NOL4: variants seen among roughly 807,000 people sequenced by gnomAD.
NOL4 encodes cancer/testis antigen 125.
Under a neutral mutation model 75.9 loss-of-function variants are expected in NOL4, and 17 were observed. The observed-to-expected ratio is 0.22, with a 90% CI of 0.15 to 0.34. The LOEUF is 0.34. Ranked by LOEUF, NOL4 falls within the 10% of genes least tolerant of loss-of-function variation. The pLI is 1.00. For synonymous variants in NOL4, 292 were observed against 289.9 expected (o/e 1.01, Z -0.07); for missense variants, 614 against 793.5 (o/e 0.77, Z 2.72).
chr18:34,164,123 A>G (rs1460637707), intron 1 of NOL4, among the ~76,000 whole-genome samples: 2 of 152,208 alleles, frequency 1.3e-5, no homozygotes, highest in Non-Finnish European at 2.9e-5. Context: ...CGTTAGACCT[A>G]AAACCATAAA....
At chr18:33,879,509 C>CTAAAAA (rs751986089) in intron 10 of NOL4, among the ~76,000 whole-genome samples, 6 of 151,648 alleles carry the variant, frequency 4.0e-5, no homozygotes, top group Non-Finnish European at 5.9e-5. Context: ...TTTGTCTCTG[C>CTAAAAA]TAAAAATAAA....
chr18:34,093,966 C>T, intron 4 of NOL4, among the ~76,000 whole-genome samples: 1 of 151,986 alleles, frequency 6.6e-6, no homozygotes, highest in Non-Finnish European at 1.5e-5. Context: ...GGCTTGAACC[C>T]AGGAGGCAGA....
At chr18:33,898,017 C>T (rs1205219496) in intron 9 of NOL4, among the ~76,000 whole-genome samples, 6 of 152,038 alleles carry the variant, frequency 3.9e-5, no homozygotes, top group African/African-American at 7.2e-5. Context: ...GGGCAATCCT[C>T]GCACCTCAGC....
At chr18:34,095,251 A>ATGTGTGTGTG (rs60017439) in intron 4 of NOL4, among the ~76,000 whole-genome samples, 4,657 of 144,452 alleles carry the variant, frequency 0.032, 111 homozygotes, top group East Asian at 0.078. Flanking sequence ...TCTAATGTGT[A>ATGTGTGTGTG]TGTGTGTGTG....
intron 6 of NOL4, among the ~76,000 whole-genome samples, chr18:33,975,083 G>GT (rs5823933): frequency 0.71 from 107,162 of 151,990 alleles, 38,198 homozygotes; most frequent in African/African-American, 0.79. Flanking sequence ...AGCAAATACT[G>GT]ATAATTTCAC....
At chr18:33,986,233 G>T (rs560796791) in intron 6 of NOL4, among the ~76,000 whole-genome samples, 1 of 152,126 alleles carries the variant, frequency 6.6e-6, no homozygotes, top group South Asian at 2.1e-4. Flanking sequence ...CAATATATTG[G>T]TTTGAAATCC....
chr18:33,899,761 T>C (rs1010886314), intron 9 of NOL4, among the ~76,000 whole-genome samples: 2 of 152,166 alleles, frequency 1.3e-5, no homozygotes, highest in Non-Finnish European at 2.9e-5. Context: ...TGTTTTACCC[T>C]GGGGTATCCT....
At chr18:34,109,127 G>C (rs1035301902) in intron 2 of NOL4, among the ~76,000 whole-genome samples, 5 of 152,034 alleles carry the variant, frequency 3.3e-5, no homozygotes, top group Non-Finnish European at 5.9e-5. Flanking sequence ...AATATCTTGA[G>C]TGCAACAAAC....
At chr18:33,996,285 A>G (rs2073280113) in intron 6 of NOL4, among the ~76,000 whole-genome samples, 1 of 151,798 alleles carries the variant, frequency 6.6e-6, no homozygotes, top group Non-Finnish European at 1.5e-5. Context: ...CTAAAACTCT[A>G]TTAGAAATAA....
At chr18:33,957,002 G>A (rs2069697668) in intron 8 of NOL4, among the ~76,000 whole-genome samples, 1 of 152,038 alleles carries the variant, frequency 6.6e-6, no homozygotes, top group South Asian at 2.1e-4. Flanking sequence ...CACTTTAGTA[G>A]CGACAGAAAG....
chr18:34,223,776 G>A lies in NOL4; in HGVS notation c.-523C>T, dbSNP rs2037471839. 1 of 155,178 alleles carries A rather than the reference G, an allele frequency of 6.4e-6. No homozygotes were observed. The highest frequency in any genetic ancestry group is 6.4e-5 in the Admixed American group (1 of 15,660). 9.6% of individuals were successfully genotyped at this position (155,178 alleles called of 1,614,324 possible). A position where few individuals can be genotyped will look rare whatever the true frequency, so the allele number is the denominator to read the frequency against. On this transcript the variant is annotated 5_prime_UTR_variant, in exon 1 of 11. Coordinates refer to ENST00000261592, the MANE Select transcript of NOL4 (RefSeq NM_003787.5). ...CAGGAGTGAGGGCTGCGCCTCTCCCGAAAGCAGCCGCCCGCCCAGCGCCTT... is the reference window on the plus strand; with the variant it reads ...CAGGAGTGAGGGCTGCGCCTCTCCCAAAAGCAGCCGCCCGCCCAGCGCCTT...
rs552086110 is a variant in NOL4 at position 34,154,652 on chromosome 18, G to GT, written c.265-24633dup. Among the ~76,000 whole-genome samples, 15 of 151,158 alleles carry GT rather than the reference G, an allele frequency of 9.9e-5. No individual in the cohort carries two copies. In the East Asian group the frequency reaches 1.6e-3, roughly 16 times the overall value. On this transcript the variant is annotated intron_variant, in intron 1 of 10. Transcript: ENST00000261592. ...ATACTGCTATAACGGTTTCATTCGT[G>GT]TTTTTTTTGTGCACCCATCACTCAT...
intron 9 of NOL4, among the ~76,000 whole-genome samples, chr18:33,926,501 A>G (rs1021989978): frequency 6.6e-6 from 1 of 152,094 alleles, no homozygotes; most frequent in Non-Finnish European, 1.5e-5. Flanking sequence ...TCCATGCTAC[A>G]TATGTAGCAA....
chr18:34,199,655 C>T (rs766795742), intron 1 of NOL4, among the ~76,000 whole-genome samples: 1 of 151,782 alleles, frequency 6.6e-6, no homozygotes, highest in Non-Finnish European at 1.5e-5. Context: ...TCTATCATGA[C>T]ACAAGCCTAG....
At chr18:34,196,523 A>G (rs1299460646) in intron 1 of NOL4, among the ~76,000 whole-genome samples, 2 of 152,124 alleles carry the variant, frequency 1.3e-5, no homozygotes, top group Non-Finnish European at 1.5e-5. Context: ...TTACTGAGCT[A>G]TTGTCAGTAG....
At chr18:33,894,529 T>C (rs1191150177) in intron 9 of NOL4, among the ~76,000 whole-genome samples, 1 of 152,136 alleles carries the variant, frequency 6.6e-6, no homozygotes, top group Non-Finnish European at 1.5e-5. Context: ...ATGTTTTGAC[T>C]AAATCCAGAC....
At chr18:33,983,214 G>A (rs1300164432) in intron 6 of NOL4, among the ~76,000 whole-genome samples, 1 of 152,066 alleles carries the variant, frequency 6.6e-6, no homozygotes, top group Non-Finnish European at 1.5e-5. Context: ...AATGGGCAGA[G>A]CACAAAGGAT....
chr18:34,055,112 A>T (rs1355673177), intron 5 of NOL4, among the ~76,000 whole-genome samples: 1 of 151,558 alleles, frequency 6.6e-6, no homozygotes, highest in East Asian at 1.9e-4. Context: ...ATCCATTAAC[A>T]TATATTTATA....
intron 2 of NOL4, among the ~76,000 whole-genome samples, chr18:34,119,812 CG>C (rs1288508450): frequency 6.6e-6 from 1 of 151,862 alleles, no homozygotes; most frequent in Non-Finnish European, 1.5e-5. Context: ...TTAGTAGAGA[CG>C]GGGTTTCACA....
Sources: allele counts gnomAD v4.1 joint callset (sites outside exome capture counted in the v4.1 genomes callset), GRCh38; gene constraint gnomAD v4.1.1; transcripts MANE v1.5; gene names NCBI Gene and HGNC (gene_info 2026-07-23, HGNC 2026-07-21).